SEC24B: variants seen among roughly 807,000 people sequenced by gnomAD.
SEC24B encodes SEC24 homolog B, COPII component, also known as protein transport protein Sec24B.
In SEC24B, 45 loss-of-function variants were observed where a neutral mutation model predicts 142.8. That is an observed-to-expected ratio of 0.32 (90% CI 0.25 to 0.40). The LOEUF is 0.40. SEC24B is among the 10% of genes least tolerant of loss of function. SEC24B has a pLI of 1.00. For synonymous variants in SEC24B, 574 were observed against 568.2 expected (o/e 1.01, Z -0.15); for missense variants, 1,409 against 1,526.8 (o/e 0.92, Z 1.29).
intron 1 of SEC24B, among the ~76,000 whole-genome samples, chr4:109,457,264 C>T (rs1481044812): frequency 1.3e-5 from 2 of 152,200 alleles, no homozygotes; most frequent in Non-Finnish European, 2.9e-5. Flanking sequence ...TATTTTTCTG[C>T]AGTTATGAAG....
At position 109,520,367 on chromosome 4, in the gene SEC24B, C is replaced by T; in HGVS notation, c.2128C>T (p.Leu710Phe). ...TAAAATTGTCATTTTTATCTTTAGG[C>T]TTCCTGGAGATTCACGAACAAGAAT... ...CQSLLENLDKLPGDSRTRIGF... is the reference protein window; with the variant it reads ...CQSLLENLDKFPGDSRTRIGF... Residue 710 changes from leucine to phenylalanine, a missense_variant and splice_region_variant, in exon 12 of 24, where the codon CTT becomes TTT. This residue lies in a region of SEC24B where 700 missense variants were observed against 853.3 expected (regional missense o/e 0.82). Transcript: ENST00000265175. 6.3e-7 allele frequency: 1 copy of T among 1,575,390 alleles called. No individual in the cohort carries two copies. The highest frequency in any genetic ancestry group is 8.7e-7 in the Non-Finnish European group (1 of 1,149,526).
intron 4 of SEC24B, 88 bp downstream of exon 4, chr4:109,481,869 G>A (rs2125983904): frequency 1.1e-6 from 1 of 909,680 alleles, no homozygotes; most frequent in South Asian, 1.9e-5. Context: ...TTTTAAAAAA[G>A]AGTCTTTGAA....
At chr4:109,511,427 C>G (rs1737320295) in intron 8 of SEC24B, among the ~76,000 whole-genome samples, 1 of 152,120 alleles carries the variant, frequency 6.6e-6, no homozygotes, top group South Asian at 2.1e-4. Flanking sequence ...AATTCAGAGA[C>G]ATAGAATAAT....
intron 3 of SEC24B, among the ~76,000 whole-genome samples, chr4:109,473,755 C>T (rs1368811431): frequency 6.6e-6 from 1 of 152,094 alleles, no homozygotes; most frequent in African/African-American, 2.4e-5. Context: ...ACCCTGCTTC[C>T]CCACATTGTT....
chr4:109,452,089 A>AT (rs1730156831), intron 1 of SEC24B, among the ~76,000 whole-genome samples: 1 of 149,128 alleles, frequency 6.7e-6, no homozygotes, highest in Non-Finnish European at 1.5e-5. Flanking sequence ...AAAAAAAAAA[A>AT]GTTCTTATAG....
intron 3 of SEC24B, among the ~76,000 whole-genome samples, chr4:109,480,004 T>A (rs1733567897): frequency 6.6e-6 from 1 of 152,200 alleles, no homozygotes; most frequent in Non-Finnish European, 1.5e-5. Flanking sequence ...GATTTTATTT[T>A]ATTTTATTTA....
Position 109,506,445 on chromosome 4 carries a change from A to G in SEC24B, c.1606A>G (p.Met536Val), listed in dbSNP as rs984057994. 6.8e-6 allele frequency: 11 copies of G among 1,609,934 alleles called. No individual in the cohort carries two copies. Among genetic ancestry groups the G allele is most frequent in the South Asian group, 1.1e-5 (1 of 90,358 alleles). ...TACTCAGGAGAGGAATATTTTACCT[A>G]TGACTCCTGTTTGGGCTCCTGTACC... ...NLTQERNILP[M>V]TPVWAPVPNL... Residue 536 changes from methionine to valine, a missense_variant, in exon 7 of 24, where the codon ATG (methionine) becomes GTG (valine). By Grantham distance (21) the Met-to-Val change is conservative. Coordinates refer to ENST00000265175, the MANE Select transcript of SEC24B (RefSeq NM_006323.5).
chr4:109,455,335 C>A (rs187597173), intron 1 of SEC24B, among the ~76,000 whole-genome samples: 3 of 151,940 alleles, frequency 2.0e-5, no homozygotes, highest in Non-Finnish European at 4.4e-5. Context: ...CTCCAAGCTC[C>A]GCCTCCCAGG....
At chr4:109,453,674 A>G (rs1408418998) in intron 1 of SEC24B, among the ~76,000 whole-genome samples, 2 of 152,102 alleles carry the variant, frequency 1.3e-5, no homozygotes, top group African/African-American at 4.8e-5. Context: ...TCTACAAACA[A>G]TTTGTGCAGT....
intron 1 of SEC24B, among the ~76,000 whole-genome samples, chr4:109,436,192 C>T (rs1179196984): frequency 6.6e-6 from 1 of 152,068 alleles, no homozygotes; most frequent in African/African-American, 2.4e-5. Flanking sequence ...ATCCTCACAC[C>T]TTATCCTCCA....
intron 6 of SEC24B, among the ~76,000 whole-genome samples, chr4:109,499,033 A>G (rs1735831202): frequency 6.6e-6 from 1 of 152,200 alleles, no homozygotes; most frequent in Non-Finnish European, 1.5e-5. Flanking sequence ...TAGTGAGATC[A>G]ATTAGAGAAA....
intron 1 of SEC24B, among the ~76,000 whole-genome samples, chr4:109,444,240 T>G (rs984258207): frequency 6.6e-6 from 1 of 151,798 alleles, no homozygotes; most frequent in South Asian, 2.1e-4. Context: ...AAAGAATAGT[T>G]TTTACAATTA....
At chr4:109,506,155 C>G (rs1284450198) in intron 6 of SEC24B, among the ~76,000 whole-genome samples, 173 bp from the exon 7 acceptor site, 2 of 152,028 alleles carry the variant, frequency 1.3e-5, no homozygotes, top group Non-Finnish European at 2.9e-5. Flanking sequence ...CAAATTTATT[C>G]AGTACTTTTG....
At chr4:109,526,159 A>G in intron 16 of SEC24B, 67 bp from the exon 17 acceptor site, 1 of 1,459,092 alleles carries the variant, frequency 6.9e-7, no homozygotes, top group Non-Finnish European at 9.5e-7. Context: ...TGACTTAAAA[A>G]AGTAACTTTA....
chr4:109,527,587 A>G (rs1724389185), intron 18 of SEC24B, among the ~76,000 whole-genome samples, 155 bp downstream of exon 18: 1 of 152,108 alleles, frequency 6.6e-6, no homozygotes, highest in South Asian at 2.1e-4. Flanking sequence ...GCTGGCCAAC[A>G]TGGTGAAACC....
intron 1 of SEC24B, among the ~76,000 whole-genome samples, chr4:109,434,465 A>G (rs984473721): frequency 6.6e-6 from 1 of 152,206 alleles, no homozygotes; most frequent in African/African-American, 2.4e-5. Flanking sequence ...GCAGCCACCC[A>G]GCAGGGTGGA....
chr4:109,527,491 T>C, intron 18 of SEC24B, 59 bp downstream of exon 18: 1 of 1,288,822 alleles, frequency 7.8e-7, no homozygotes, highest in Non-Finnish European at 1.1e-6. Flanking sequence ...AACTGAAGCT[T>C]GGCTGGTGGC....
chr4:109,444,214 CAAAAAAAAAA>C (rs539104834), intron 1 of SEC24B, among the ~76,000 whole-genome samples: 2 of 80,182 alleles, frequency 2.5e-5, no homozygotes, highest in African/African-American at 7.5e-5. Flanking sequence ...AACTCCATCT[CAAAAAAAAAA>C]AAAAAAAAGA....
At chr4:109,530,576 C>G (rs1724795831) in intron 19 of SEC24B, 112 bp downstream of exon 19, 4 of 870,064 alleles carry the variant, frequency 4.6e-6, no homozygotes, top group Non-Finnish European at 5.2e-6. Context: ...GGATTATTCA[C>G]TTTAGCATTG....
Sources: allele counts gnomAD v4.1 joint callset (sites outside exome capture counted in the v4.1 genomes callset), GRCh38; gene constraint gnomAD v4.1.1; regional missense constraint gnomAD v4.1.1; transcripts MANE v1.5; gene names NCBI Gene and HGNC (gene_info 2026-07-23, HGNC 2026-07-21).